The following RAD51B variants were observed in gnomAD, a reference collection of about 807,000 sequenced individuals.
RAD51B encodes DNA repair protein RAD51 homolog 2.
RAD51B carries 38 observed loss-of-function variants against 42.2 expected under a neutral mutation model. The ratio of observed to expected loss-of-function variants is 0.90; its 90% confidence interval spans 0.70 to 1.18. RAD51B has a LOEUF of 1.18. RAD51B is among the 50% of genes most tolerant of loss of function. The probability of loss-of-function intolerance (pLI) is 0.00; values close to 1 mark genes in which losing one functional copy is unlikely to be tolerated. For missense variants in RAD51B, 373 were observed against 400.7 expected (o/e 0.93, Z 0.59); for synonymous variants, 154 against 145.2 (o/e 1.06, Z -0.43).
chr14:67,971,667 C>G (rs547486410), intron 7 of RAD51B, among the ~76,000 whole-genome samples: 25 of 152,094 alleles, frequency 1.6e-4, no homozygotes, highest in Middle Eastern at 3.4e-3. Context: ...TTCCAGACTT[C>G]CCCTTAGACG....
chr14:68,330,468 AG>A (rs1383575498), intron 8 of RAD51B, among the ~76,000 whole-genome samples: 2 of 152,258 alleles, frequency 1.3e-5, no homozygotes, highest in African/African-American at 4.8e-5. Context: ...ACATTGGACT[AG>A]ATGACCTTTA....
intron 7 of RAD51B, among the ~76,000 whole-genome samples, chr14:68,200,117 C>CAA (rs1227716684): frequency 1.3e-5 from 2 of 152,090 alleles, no homozygotes; most frequent in Non-Finnish European, 2.9e-5. Context: ...ATTAGAGAAA[C>CAA]AGAGATGAAT....
At chr14:68,312,874 C>T (rs1595695007) in intron 8 of RAD51B, among the ~76,000 whole-genome samples, 1 of 152,122 alleles carries the variant, frequency 6.6e-6, no homozygotes, top group African/African-American at 2.4e-5. Flanking sequence ...GTGTATTAAG[C>T]TTGGGAAAGA....
In RAD51B at chr14:68,148,993, A is replaced by G. The variant is rs535129554; in HGVS notation, c.757-142891A>G. ...AGTTGAGGAGGATCTGCAGGTGTGTAGTGGTATCTGTGTTACTTCTTTGAA... is the reference window on the plus strand; with the variant it reads ...AGTTGAGGAGGATCTGCAGGTGTGTGGTGGTATCTGTGTTACTTCTTTGAA... On this transcript the variant is annotated intron_variant, in intron 7 of 10. Transcript: ENST00000471583. Among the ~76,000 whole-genome samples the G allele has an allele frequency of 2.0e-5, 3 of 152,324 alleles. 1 individual carries two copies. The highest frequency in any genetic ancestry group is 7.2e-5 in the African/African-American group (3 of 41,572).
chr14:68,590,156 C>T (rs1274625808), intron 10 of RAD51B, among the ~76,000 whole-genome samples: 1 of 152,206 alleles, frequency 6.6e-6, no homozygotes, highest in Non-Finnish European at 1.5e-5. Context: ...TAGTGCTGGC[C>T]TCGGCCTCCA....
At chr14:67,955,847 G>A (rs1168100902) in intron 7 of RAD51B, among the ~76,000 whole-genome samples, 1 of 152,176 alleles carries the variant, frequency 6.6e-6, no homozygotes, top group Non-Finnish European at 1.5e-5. Flanking sequence ...GGACGTTGGA[G>A]TACATGTAGA....
chr14:67,877,898 C>T (rs1160974858), intron 5 of RAD51B, among the ~76,000 whole-genome samples: 1 of 152,164 alleles, frequency 6.6e-6, no homozygotes, highest in Non-Finnish European at 1.5e-5. Context: ...CTCCTGGGCT[C>T]AAGCAGCCCT....
chr14:67,876,919 G>A (rs930763551), intron 5 of RAD51B, among the ~76,000 whole-genome samples: 10 of 152,216 alleles, frequency 6.6e-5, no homozygotes, highest in Admixed American at 1.3e-4. Flanking sequence ...AGGTTTTCAG[G>A]GATATTGTTT....
chr14:68,014,023 G>T (rs531155439), intron 7 of RAD51B, among the ~76,000 whole-genome samples: 1 of 151,888 alleles, frequency 6.6e-6, no homozygotes, highest in East Asian at 1.9e-4. Context: ...ACAATATCTT[G>T]GTCTTGTTGT....
chr14:68,582,439 T>A (rs1296138837), intron 10 of RAD51B, among the ~76,000 whole-genome samples: 1 of 152,010 alleles, frequency 6.6e-6, no homozygotes, highest in Non-Finnish European at 1.5e-5. Flanking sequence ...GAAATGCAAA[T>A]CAAAACCACA....
rs79372453 is a variant in RAD51B, at chr14:68,217,142, C to T, written c.757-74742C>T. 1.9e-3 allele frequency among the ~76,000 whole-genome samples: 292 copies of T among 152,300 alleles called. 3 individuals carry two copies. The highest frequency in any genetic ancestry group is 0.014 in the East Asian group (70 of 5,184). On this transcript the variant is annotated intron_variant, in intron 7 of 10. Coordinates refer to ENST00000471583, the MANE Select transcript of RAD51B (RefSeq NM_133510.4). ...CTGTGGCTGTCGCCTAAGGATGCTG[C>T]CTCCCCTGCTGCTCTCCTAAGTGGT...
chr14:68,349,247 G>C (rs1005986795), intron 8 of RAD51B, among the ~76,000 whole-genome samples: 1 of 152,272 alleles, frequency 6.6e-6, no homozygotes, highest in South Asian at 2.1e-4. Flanking sequence ...CATTGGCTGA[G>C]TGTCATTGTA....
chr14:68,241,405 G>A (rs2080383582), intron 7 of RAD51B, among the ~76,000 whole-genome samples: 1 of 152,188 alleles, frequency 6.6e-6, no homozygotes, highest in African/African-American at 2.4e-5. Flanking sequence ...AGCTGGGTAT[G>A]GTGGCGGGCG....
intron 11 of RAD51B, among the ~76,000 whole-genome samples, chr14:68,676,231 G>A (rs1427789828): frequency 1.3e-5 from 2 of 152,122 alleles, no homozygotes; most frequent in Non-Finnish European, 2.9e-5. Context: ...CTTTAGAGAC[G>A]AGGAAACCTA....
chr14:68,123,999 T>C lies in RAD51B; in HGVS notation c.757-167885T>C, dbSNP rs546498854. Reference sequence around the variant, plus strand: ...CTCTAAGTATTCCAAAATGATGCATTAGCTCCCTGGACTCTCTGTGCATCA... The same window carrying C: ...CTCTAAGTATTCCAAAATGATGCATCAGCTCCCTGGACTCTCTGTGCATCA... On this transcript the variant is annotated intron_variant, in intron 7 of 10. Coordinates refer to ENST00000471583, the MANE Select transcript of RAD51B (RefSeq NM_133510.4). 7.2e-5 allele frequency among the ~76,000 whole-genome samples: 11 copies of C among 152,312 alleles called. No homozygotes were observed. The South Asian group carries it at 2.3e-3, about 32-fold the overall frequency.
At chr14:67,887,294 T>G (rs1304612264) in intron 7 of RAD51B, 90 bp downstream of exon 7, 35 of 1,166,154 alleles carry the variant, frequency 3.0e-5, no homozygotes, top group Non-Finnish European at 4.1e-5. Context: ...AATAATAAAA[T>G]TAGAGGAAAA....
At chr14:68,611,019 G>A (rs1039017071) in exon 11 of RAD51B, 2 of 702,926 alleles carry the variant, frequency 2.8e-6, no homozygotes, top group Admixed American at 4.0e-5. Context: ...TTAGAACTGT[G>A]GCCAGAGTCA....
chr14:68,528,409 A>G (rs1373290015), intron 10 of RAD51B, among the ~76,000 whole-genome samples: 1 of 152,204 alleles, frequency 6.6e-6, no homozygotes, highest in Non-Finnish European at 1.5e-5. Flanking sequence ...AACTTATTGC[A>G]TATGTGACTT....
intron 10 of RAD51B, among the ~76,000 whole-genome samples, chr14:68,648,127 ACACACG>A (rs1158886984): frequency 1.2e-4 from 13 of 104,650 alleles, no homozygotes; most frequent in Admixed American, 3.9e-4. Flanking sequence ...ATATATATAC[ACACACG>A]TATATATATA....
Sources: gnomAD v4.1 joint callset for allele counts (sites outside exome capture counted in the v4.1 genomes callset) on GRCh38, gnomAD v4.1.1 for gene constraint, MANE v1.5 for transcripts, NCBI Gene and HGNC (gene_info 2026-07-23, HGNC 2026-07-21) for gene names.